PRELID2: variants seen among roughly 807,000 people sequenced by gnomAD.
PRELID2 encodes the protein PRELI domain-containing protein 2.
In PRELID2, 25 loss-of-function variants were observed where a neutral mutation model predicts 28.4. That is an observed-to-expected ratio of 0.88 (90% CI 0.64 to 1.23). The LOEUF (loss-of-function observed/expected upper bound fraction) is 1.23, where lower values mean the gene tolerates loss of function less well. PRELID2 is among the 50% of genes most tolerant of loss of function. The pLI, the probability that PRELID2 is intolerant of heterozygous loss-of-function variation, is 0.00. For missense variants in PRELID2, 201 were observed against 214.4 expected (o/e 0.94, Z 0.39); for synonymous variants, 76 against 71.6 (o/e 1.06, Z -0.31).
intron 1 of PRELID2, among the ~76,000 whole-genome samples, chr5:145,737,337 G>C (rs914799702): frequency 6.6e-6 from 1 of 152,152 alleles, no homozygotes; most frequent in African/African-American, 2.4e-5. Flanking sequence ...TAAAGGAAAA[G>C]TGGAACTTAA....
chr5:145,570,006 C>T (rs910357836), intron 1 of PRELID2, among the ~76,000 whole-genome samples: 2 of 152,154 alleles, frequency 1.3e-5, no homozygotes, highest in African/African-American at 4.8e-5. Flanking sequence ...TGGATTCCTT[C>T]AGAGGGCTGC....
chr5:145,685,478 A>C (rs1581056849), intron 1 of PRELID2, among the ~76,000 whole-genome samples: 2 of 152,204 alleles, frequency 1.3e-5, no homozygotes, highest in East Asian at 3.8e-4. Context: ...CTTCTCTGGC[A>C]TAGATAAGAA....
intron 1 of PRELID2, among the ~76,000 whole-genome samples, chr5:145,823,964 T>C (rs1755001027): frequency 6.6e-6 from 1 of 152,194 alleles, no homozygotes. Flanking sequence ...TTTGCTCAAA[T>C]TGTCCAGCTA....
At chr5:145,733,021 A>G (rs1376320362) in intron 1 of PRELID2, among the ~76,000 whole-genome samples, 1 of 151,218 alleles carries the variant, frequency 6.6e-6, no homozygotes, top group African/African-American at 2.4e-5. Context: ...TCTCGGTGGA[A>G]GAATGGTTGA....
At chr5:145,770,272 G>A (rs1368015628) in intron 5 of PRELID2, among the ~76,000 whole-genome samples, 1 of 152,058 alleles carries the variant, frequency 6.6e-6, no homozygotes, top group East Asian at 1.9e-4. Context: ...GTGGCACTTT[G>A]GGAGAGGCTG....
chr5:145,550,565 C>A (rs1389877439), intron 1 of PRELID2, among the ~76,000 whole-genome samples: 1 of 151,966 alleles, frequency 6.6e-6, no homozygotes, highest in African/African-American at 2.4e-5. Flanking sequence ...CAGAGTGAGA[C>A]CTCATCTCTA....
chr5:145,717,983 T>G (rs1486510052), intron 1 of PRELID2, among the ~76,000 whole-genome samples: 2 of 151,976 alleles, frequency 1.3e-5, no homozygotes, highest in Non-Finnish European at 2.9e-5. Flanking sequence ...ATATAGCTAC[T>G]GTCGACTCTT....
At chr5:145,729,265 CA>C in intron 1 of PRELID2, 3 of 1,071,090 alleles carry the variant, frequency 2.8e-6, no homozygotes, top group Non-Finnish European at 4.2e-6. Flanking sequence ...GCTAACATAC[CA>C]AAATCAAGCA....
the PRELID2 span, among the ~76,000 whole-genome samples, chr5:145,236,653 T>C: frequency 6.6e-6 from 1 of 152,136 alleles, no homozygotes; most frequent in African/African-American, 2.4e-5. Context: ...GTCTGCATAG[T>C]TGACTCTTTT....
In PRELID2 at chr5:145,811,082, CAAAAAAAAAAAAA is replaced by C. The variant is rs56978118; in HGVS notation, c.368+6799_368+6811del. ...AAGGCACGTCTTACATGGCAGCAGGCAAAAAAAAAAAAAAAAAAAAAAAAAAAAAAAAAAAAAT... is the reference window on the plus strand; with the variant it reads ...AAGGCACGTCTTACATGGCAGCAGGCAAAAAAAAAAAAAAAAAAAAAAAAT... On this transcript the variant is annotated intron_variant, in intron 4 of 6. Transcript: ENST00000683046. 9.2e-3 allele frequency among the ~76,000 whole-genome samples: 245 copies of C among 26,732 alleles called. 1 individual carries two copies. The highest frequency in any genetic ancestry group is 0.028 in the African/African-American group (223 of 8,022). The allele number at this position is 26,732 out of a possible 152,430, so 17.5% of individuals were successfully genotyped here.
At chr5:145,329,048 C>T in the PRELID2 span, among the ~76,000 whole-genome samples, 5 of 152,126 alleles carry the variant, frequency 3.3e-5, no homozygotes, top group Non-Finnish European at 1.5e-5. Flanking sequence ...TTCCCCATTG[C>T]TTGTTTTTGT....
intron 4 of PRELID2, 72 bp from the exon 5 acceptor site, chr5:145,796,619 G>T: frequency 1.2e-6 from 1 of 813,056 alleles, no homozygotes; most frequent in Non-Finnish European, 2.0e-6. Flanking sequence ...GACATTTCTA[G>T]CTGCATAATT....
At chr5:145,370,337 A>G in the PRELID2 span, among the ~76,000 whole-genome samples, 1 of 152,094 alleles carries the variant, frequency 6.6e-6, no homozygotes, top group Non-Finnish European at 1.5e-5. Context: ...TTTTTTCTGC[A>G]TATGGCTAGC....
intron 1 of PRELID2, among the ~76,000 whole-genome samples, chr5:145,741,022 A>AAT (rs1296418198): frequency 3.4e-5 from 4 of 117,512 alleles, no homozygotes; most frequent in Non-Finnish European, 6.4e-5. Flanking sequence ...ATACAAATAA[A>AAT]ATATATATTA....
At chr5:145,791,431 T>G (rs1490507631) in intron 5 of PRELID2, among the ~76,000 whole-genome samples, 1 of 152,172 alleles carries the variant, frequency 6.6e-6, no homozygotes. Context: ...ACAATGCAGA[T>G]GAACACTGAA....
chr5:145,309,024 T>C, the PRELID2 span, among the ~76,000 whole-genome samples: 1 of 152,206 alleles, frequency 6.6e-6, no homozygotes, highest in East Asian at 1.9e-4. Context: ...GTCTCTTTTG[T>C]ATGTAAAACT....
chr5:145,612,637 A>G (rs1339658241), intron 1 of PRELID2, among the ~76,000 whole-genome samples: 3 of 152,112 alleles, frequency 2.0e-5, no homozygotes, highest in African/African-American at 7.2e-5. Flanking sequence ...CAAGCCCCCA[A>G]AGTCCATTGC....
At chr5:145,332,907 T>C in the PRELID2 span, among the ~76,000 whole-genome samples, 2 of 152,240 alleles carry the variant, frequency 1.3e-5, no homozygotes, top group Non-Finnish European at 2.9e-5. Context: ...CATGGATTTA[T>C]CTACCTTTGG....
the PRELID2 span, among the ~76,000 whole-genome samples, chr5:145,315,545 GGTGTGTGTGT>G: frequency 0.013 from 1,915 of 142,990 alleles, 45 homozygotes; most frequent in East Asian, 0.065. Flanking sequence ...GCTCTTTCAG[GGTGTGTGTGT>G]GTGTGTGTGT....
Sources: gnomAD v4.1 joint callset for allele counts (sites outside exome capture counted in the v4.1 genomes callset) on GRCh38, gnomAD v4.1.1 for gene constraint, MANE v1.5 for transcripts, NCBI Gene and HGNC (gene_info 2026-07-23, HGNC 2026-07-21) for gene names.